Variants in TGFBR3 observed in about 807,000 individuals in gnomAD.
TGFBR3 encodes transforming growth factor beta receptor type 3.
Under a neutral mutation model 87.9 loss-of-function variants are expected in TGFBR3, and 46 were observed. The ratio of observed to expected loss-of-function variants is 0.52; its 90% CI spans 0.41 to 0.67. The LOEUF is 0.67. TGFBR3 is among the 30% of genes least tolerant of loss of function. TGFBR3 has a pLI of 0.00. For synonymous variants in TGFBR3, 381 were observed against 391.6 expected, an observed-to-expected ratio of 0.97 and a Z score of 0.32; for missense variants, 866 against 1,041.9, an observed-to-expected ratio of 0.83 and a Z score of 2.32.
intron 1 of TGFBR3, among the ~76,000 whole-genome samples, chr1:91,905,589 C>T (rs767117576): frequency 6.6e-6 from 1 of 152,030 alleles, no homozygotes; most frequent in Non-Finnish European, 1.5e-5. Context: ...CCCACCAGCA[C>T]GCAAAGCTAA....
intron 3 of TGFBR3, among the ~76,000 whole-genome samples, chr1:91,768,307 C>T (rs1674254276): frequency 6.6e-6 from 1 of 152,064 alleles, no homozygotes; most frequent in African/African-American, 2.4e-5. Flanking sequence ...AATCTGCTGC[C>T]TTGTATTAAC....
intron 4 of TGFBR3, among the ~76,000 whole-genome samples, chr1:91,748,476 A>AAGAT (rs1557690411): frequency 2.6e-5 from 4 of 152,202 alleles, no homozygotes; most frequent in African/African-American, 9.7e-5. Flanking sequence ...CAAGTGAAAT[A>AAGAT]CTGATATGAT....
chr1:91,692,912 T>C (rs999683523), intron 16 of TGFBR3, among the ~76,000 whole-genome samples: 2 of 152,228 alleles, frequency 1.3e-5, no homozygotes, highest in African/African-American at 4.8e-5. Flanking sequence ...AATTAAGGAT[T>C]GTTTTTCACA....
intron 3 of TGFBR3, among the ~76,000 whole-genome samples, chr1:91,778,572 CA>C (rs1449484919): frequency 1.3e-5 from 2 of 152,150 alleles, no homozygotes; most frequent in African/African-American, 4.8e-5. Flanking sequence ...ACTAGATCTT[CA>C]AAAAATATAA....
rs1557680855 is a variant in TGFBR3, at chr1:91,729,927, T to A, written c.615A>T (p.Ser205=). ...PKCNIGKNFL[S]LNYLAEYLQP... Reference sequence around the variant, plus strand: ...GAAGGTACTCAGCAAGGTAATTGAGTGAGAGAAAATTCTTCCCTATGTTGC... The same window carrying A: ...GAAGGTACTCAGCAAGGTAATTGAGAGAGAGAAAATTCTTCCCTATGTTGC... The change falls in exon 6 of 17, where the codon TCA becomes TCT. Residue 205 remains serine (S), a synonymous_variant. Transcript: ENST00000212355. The A allele has an allele frequency of 1.2e-6, 2 of 1,614,084 alleles. No individual in the cohort carries two copies. The highest frequency in any genetic ancestry group is 1.7e-5 in the Admixed American group (1 of 60,014).
chr1:91,752,960 G>A (rs1673602726), intron 4 of TGFBR3, among the ~76,000 whole-genome samples: 1 of 151,080 alleles, frequency 6.6e-6, no homozygotes, highest in South Asian at 2.1e-4. Context: ...CCAGGCAGCA[G>A]AGGTTACAGT....
intron 3 of TGFBR3, among the ~76,000 whole-genome samples, chr1:91,762,222 T>C (rs1462102775): frequency 6.6e-6 from 1 of 152,150 alleles, no homozygotes; most frequent in Non-Finnish European, 1.5e-5. Flanking sequence ...GAGAACTGAA[T>C]GCATGTGTGC....
chr1:91,791,785 G>A (rs917242815), intron 3 of TGFBR3, among the ~76,000 whole-genome samples: 1 of 152,140 alleles, frequency 6.6e-6, no homozygotes, highest in Non-Finnish European at 1.5e-5. Context: ...ATCCTCTTCT[G>A]CAAAAACAGT....
At chr1:91,772,112 C>T (rs894755546) in intron 3 of TGFBR3, among the ~76,000 whole-genome samples, 20 of 152,266 alleles carry the variant, frequency 1.3e-4, no homozygotes, top group African/African-American at 4.1e-4. Context: ...TCACAATGAG[C>T]CTTGAAAGCC....
At chr1:91,806,146 A>T (rs1675818928) in intron 2 of TGFBR3, among the ~76,000 whole-genome samples, 1 of 152,176 alleles carries the variant, frequency 6.6e-6, no homozygotes, top group Non-Finnish European at 1.5e-5. Flanking sequence ...GCCCTCCTCC[A>T]TCCTTTTCAC....
chr1:91,681,402 C>T lies in TGFBR3; in HGVS notation c.*2337G>A, dbSNP rs1372451962. The T allele has an allele frequency of 2.5e-6, 1 of 394,582 alleles. No homozygotes were observed. The highest frequency in any genetic ancestry group is 4.9e-6 in the Non-Finnish European group (1 of 205,402). 24.4% of individuals were successfully genotyped at this position (394,582 alleles called of 1,614,324 possible). A position where few individuals can be genotyped will look rare whatever the true frequency, so the allele number is the denominator to read the frequency against. On this transcript the variant is annotated 3_prime_UTR_variant, in exon 17 of 17. Transcript: ENST00000212355. ...ATAAAAGGTGATTTTTTTCCTCTCT[C>T]TCTCTTTTAAAAAGATCTTTTGGTT... is the stretch of plus-strand genomic sequence containing the variant.
intron 3 of TGFBR3, 102 bp downstream of exon 3, chr1:91,797,185 C>T: frequency 2.4e-6 from 3 of 1,258,616 alleles, no homozygotes; most frequent in Non-Finnish European, 3.5e-6. Flanking sequence ...CATACATGAG[C>T]TTCTTTTGTT....
chr1:91,716,192 C>A (rs1409401785), intron 12 of TGFBR3, 44 bp downstream of exon 12: 2 of 1,612,348 alleles, frequency 1.2e-6, no homozygotes, highest in South Asian at 2.2e-5. Flanking sequence ...GGAACTATAG[C>A]CCAGCACTAA....
intron 1 of TGFBR3, among the ~76,000 whole-genome samples, chr1:91,878,821 T>A (rs1678960820): frequency 6.6e-6 from 1 of 152,206 alleles, no homozygotes; most frequent in Non-Finnish European, 1.5e-5. Flanking sequence ...AAAGCAGGTG[T>A]TTCGTCCTCC....
rs141906495 is a variant in TGFBR3, at chr1:91,867,810, C to A, written c.-113-6166G>T. 5.3e-5 allele frequency among the ~76,000 whole-genome samples: 8 copies of A among 152,154 alleles called. No homozygotes were observed. In the East Asian group the frequency reaches 1.5e-3, roughly 29 times the overall value. On this transcript the variant is annotated intron_variant, in intron 1 of 16. Coordinates refer to ENST00000212355, the MANE Select transcript of TGFBR3 (RefSeq NM_003243.5). ...GTGTTACATTGGAAAAGTCATTTAG[C>A]CCCTACCACGCCCTCATCTGTAAAA...
At chr1:91,836,433 TGTAAAA>T (rs1677069533) in intron 2 of TGFBR3, among the ~76,000 whole-genome samples, 1 of 11,996 alleles carries the variant, frequency 8.3e-5, no homozygotes, top group Non-Finnish European at 1.4e-4. Context: ...AGGAGTACAC[TGTAAAA>T]TGTAGCAAAC....
chr1:91,695,756 G>C lies in TGFBR3; in HGVS notation c.2353C>G (p.Leu785Val), dbSNP rs1671415807. 4 of 1,614,166 alleles carry C rather than the reference G, an allele frequency of 2.5e-6. No individual in the cohort carries two copies. Among genetic ancestry groups the C allele is most frequent in the Non-Finnish European group, 3.4e-6 (4 of 1,180,006 alleles). ...SPPIFHGLDT[L>V]TVMGIAFAAF... is the part of the protein sequence containing the mutation. ...GCAAACGCAATGCCCATCACGGTTA[G>C]GGTGTCCAGACCATGGAAAATTGCT... Residue 785 changes from leucine to valine, a missense_variant, in exon 16 of 17, where the codon CTA (leucine) becomes GTA (valine). Transcript: ENST00000212355.
intron 2 of TGFBR3, among the ~76,000 whole-genome samples, chr1:91,800,330 A>ATATGTG (rs1553168326): frequency 2.7e-4 from 37 of 136,262 alleles, no homozygotes; most frequent in African/African-American, 7.5e-4. Context: ...ATATGTGTAT[A>ATATGTG]TGTGTGTGTG....
At chr1:91,743,090 C>T (rs1214770571) in intron 4 of TGFBR3, among the ~76,000 whole-genome samples, 2 of 152,178 alleles carry the variant, frequency 1.3e-5, no homozygotes, top group Admixed American at 6.5e-5. Flanking sequence ...AGGTTGATCT[C>T]CCAAGCCTGA....
Sources: allele counts gnomAD v4.1 joint callset (sites outside exome capture counted in the v4.1 genomes callset), GRCh38; gene constraint gnomAD v4.1.1; transcripts MANE v1.5; gene names NCBI Gene and HGNC (gene_info 2026-07-23, HGNC 2026-07-21).